The following COL14A1 variants were observed in gnomAD, a reference collection of about 807,000 sequenced individuals.
COL14A1 encodes collagen type XIV alpha 1 chain, also known as collagen alpha-1(XIV) chain.
Under a neutral mutation model 230.3 loss-of-function variants are expected in COL14A1, and 136 were observed. That is an observed-to-expected ratio of 0.59 (90% CI 0.51 to 0.68). The LOEUF is 0.68. Among genes scored for constraint, COL14A1 ranks in the 30% least tolerant of loss-of-function variants. COL14A1 has a pLI of 0.00. For missense variants in COL14A1, 1,976 were observed against 2,215.8 expected (o/e 0.89, Z 2.17); for synonymous variants, 792 against 784.1 (o/e 1.01, Z -0.17).
chr8:120,364,164 G>A (rs1365272953), intron 45 of COL14A1, among the ~76,000 whole-genome samples: 2 of 152,082 alleles, frequency 1.3e-5, no homozygotes, highest in Non-Finnish European at 2.9e-5. Context: ...CTCAGCACCA[G>A]GTGGCCCCAC....
rs1413722073 is a variant in COL14A1 at position 120,189,730 on chromosome 8, C to T, written c.437-7061C>T. ...GTTCCCACCTATGAGTGAGAACATGCGGTGTTTGGTTTTTTGTCCTTGCGA... is the reference window on the plus strand; with the variant it reads ...GTTCCCACCTATGAGTGAGAACATGTGGTGTTTGGTTTTTTGTCCTTGCGA... On this transcript the variant is annotated intron_variant, in intron 5 of 47. Coordinates refer to ENST00000297848, the MANE Select transcript of COL14A1 (RefSeq NM_021110.4). Among the ~76,000 whole-genome samples the T allele has an allele frequency of 1.1e-4, 14 of 125,690 alleles. No individual in the cohort carries two copies. In the South Asian group the frequency reaches 2.0e-3, roughly 18 times the overall value. The allele number at this position is 125,690 out of a possible 152,430, so 82.5% of individuals were successfully genotyped here.
chr8:120,350,139 C>T (rs1456922644), intron 45 of COL14A1, among the ~76,000 whole-genome samples: 4 of 151,988 alleles, frequency 2.6e-5, no homozygotes, highest in South Asian at 2.1e-4. Flanking sequence ...CCAAACTAAG[C>T]TTCCTAAGTG....
At chr8:120,281,556 C>A (rs1820040205) in intron 31 of COL14A1, among the ~76,000 whole-genome samples, 2 of 127,318 alleles carry the variant, frequency 1.6e-5, no homozygotes, top group East Asian at 2.2e-4. Context: ...AAGAGCAAGA[C>A]CCCGTCTTTA....
intron 40 of COL14A1, among the ~76,000 whole-genome samples, chr8:120,326,249 G>T (rs1290878933): frequency 2.6e-5 from 4 of 152,186 alleles, no homozygotes; most frequent in African/African-American, 9.6e-5. Flanking sequence ...CTGTGAAAAT[G>T]TCTCTGTGTC....
In COL14A1 at chr8:120,326,826, G is replaced by T. The variant is rs552671409; in HGVS notation, c.4660-5315G>T. 3.9e-5 allele frequency among the ~76,000 whole-genome samples: 6 copies of T among 152,286 alleles called. No individual in the cohort carries two copies. In the South Asian group the frequency reaches 1.2e-3, roughly 32 times the overall value. The stretch of plus-strand genomic sequence containing the variant: ...GGATTACTTGAGTTCGGGAGTTTGA[G>T]ACCAGCCTGGCCAACATGGCGAAAT... On this transcript the variant is annotated intron_variant, in intron 40 of 47. Transcript: ENST00000297848.
intron 45 of COL14A1, among the ~76,000 whole-genome samples, chr8:120,345,955 A>G (rs532846127): frequency 1.2e-4 from 19 of 152,280 alleles, no homozygotes; most frequent in Admixed American, 5.9e-4. Flanking sequence ...CAAGCAGAGA[A>G]CTCACTCTGG....
chr8:120,345,312 C>G lies in COL14A1; in HGVS notation c.4889-63C>G, dbSNP rs1158528610. ...GTTTGCAGCCTTAACAAATGACACC[C>G]CTGGTCCTCTCTTTCCTTGTGTGAC... On this transcript the variant is annotated intron_variant, in intron 44 of 47. Transcript: ENST00000297848. 8.3e-6 allele frequency: 12 copies of G among 1,448,608 alleles called. No homozygotes were observed. In the East Asian group the frequency reaches 1.0e-4, roughly 12 times the overall value. 89.7% of individuals were successfully genotyped at this position (1,448,608 alleles called of 1,614,324 possible).
intron 34 of COL14A1, among the ~76,000 whole-genome samples, chr8:120,290,359 G>C (rs957941669): frequency 2.6e-5 from 4 of 151,060 alleles, no homozygotes; most frequent in African/African-American, 9.8e-5. Context: ...GAGACTTCCA[G>C]TTGGCAAAGA....
chr8:120,195,693 C>G (rs1817013527), intron 5 of COL14A1, among the ~76,000 whole-genome samples: 1 of 152,132 alleles, frequency 6.6e-6, no homozygotes, highest in South Asian at 2.1e-4. Flanking sequence ...GGGAATCTCC[C>G]TTTTATAAAA....
intron 9 of COL14A1, among the ~76,000 whole-genome samples, chr8:120,206,505 A>G (rs1181185875): frequency 1.3e-5 from 2 of 152,182 alleles, no homozygotes; most frequent in Non-Finnish European, 2.9e-5. Context: ...ACCTGCTACC[A>G]TGCACGCTAA....
chr8:120,341,980 C>T (rs1822314062), intron 43 of COL14A1, among the ~76,000 whole-genome samples: 3 of 152,244 alleles, frequency 2.0e-5, no homozygotes, highest in African/African-American at 4.8e-5. Flanking sequence ...TAATGCTATT[C>T]AGCTATAAAA....
chr8:120,287,210 G>C (rs1820229735), intron 33 of COL14A1, among the ~76,000 whole-genome samples: 1 of 149,200 alleles, frequency 6.7e-6, no homozygotes, highest in Non-Finnish European at 1.5e-5. Flanking sequence ...CATAAGAACA[G>C]TTGCTAAAAA....
chr8:120,190,305 G>A (rs201382163), intron 5 of COL14A1, among the ~76,000 whole-genome samples: 47 of 152,248 alleles, frequency 3.1e-4, no homozygotes, highest in Non-Finnish European at 5.4e-4. Flanking sequence ...GTCTGTTCGT[G>A]TCCTTCGCCC....
intron 4 of COL14A1, among the ~76,000 whole-genome samples, chr8:120,164,693 G>A (rs1451319480): frequency 6.6e-6 from 1 of 152,190 alleles, no homozygotes; most frequent in Admixed American, 6.5e-5. Context: ...TTGTCTGGGA[G>A]CTTTGGAAAA....
intron 5 of COL14A1, among the ~76,000 whole-genome samples, chr8:120,174,453 A>G (rs1373376513): frequency 6.6e-6 from 1 of 152,214 alleles, no homozygotes; most frequent in Non-Finnish European, 1.5e-5. Context: ...ATTGAGTGAA[A>G]CAAATTAAAA....
In COL14A1 at chr8:120,297,298, A is replaced by T. The variant is rs117704684; in HGVS notation, c.4237-213A>T. Reference sequence around the variant, plus strand: ...GAAGTTTTGATAAATAAGAGGGTTTAGATGGTGGATGAATAATTGTAGACA... The same window carrying T: ...GAAGTTTTGATAAATAAGAGGGTTTTGATGGTGGATGAATAATTGTAGACA... On this transcript the variant is annotated intron_variant, in intron 34 of 47. Transcript: ENST00000297848. Among the ~76,000 whole-genome samples, 621 of 152,084 alleles carry T rather than the reference A, an allele frequency of 4.1e-3. 14 individuals carry two copies. Among genetic ancestry groups the T allele is most frequent in the East Asian group, 0.032 (167 of 5,182 alleles).
Position 120,137,906 on chromosome 8 carries a change from C to T in COL14A1, c.-37-9900C>T, listed in dbSNP as rs531945749. ...TATGGGTGTGAGTCACCATACCCAG[C>T]CTATTATTCATTTCTAATTTAAATC... On this transcript the variant is annotated intron_variant, in intron 1 of 47. Coordinates refer to ENST00000297848, the MANE Select transcript of COL14A1 (RefSeq NM_021110.4). 2.6e-5 allele frequency among the ~76,000 whole-genome samples: 4 copies of T among 151,868 alleles called. No individual in the cohort carries two copies. In the East Asian group the frequency reaches 7.8e-4, roughly 29 times the overall value.
At chr8:120,230,243 G>A (rs567475823) in intron 18 of COL14A1, among the ~76,000 whole-genome samples, 2 of 152,040 alleles carry the variant, frequency 1.3e-5, no homozygotes, top group Non-Finnish European at 2.9e-5. Context: ...ACACTTGGCT[G>A]GTCTATTGTT....
intron 28 of COL14A1, among the ~76,000 whole-genome samples, chr8:120,278,999 AGGGAAATGGATGAAGCT>A (rs1193721610): frequency 2.0e-5 from 3 of 152,132 alleles, no homozygotes; most frequent in Non-Finnish European, 2.9e-5. Flanking sequence ...TGTCCTTTGC[AGGGAAATGGATGAAGCT>A]GGAAACCATC....
Sources: allele counts gnomAD v4.1 joint callset (sites outside exome capture counted in the v4.1 genomes callset), GRCh38; gene constraint gnomAD v4.1.1; transcripts MANE v1.5; gene names NCBI Gene and HGNC (gene_info 2026-07-23, HGNC 2026-07-21).